Variants in MBD1 observed in about 807,000 individuals in gnomAD.
MBD1 encodes methyl-CpG-binding domain protein 1.
Under a neutral mutation model 82.6 loss-of-function variants are expected in MBD1, and 25 were observed. The ratio of observed to expected loss-of-function variants is 0.30; its 90% CI spans 0.22 to 0.42. The LOEUF (loss-of-function observed/expected upper bound fraction) is 0.42, where lower values mean the gene tolerates loss of function less well. Ranked by LOEUF, MBD1 falls within the 10% of genes least tolerant of loss-of-function variation. MBD1 has a pLI of 1.00. For missense variants in MBD1, 627 were observed against 819.6 expected, an observed-to-expected ratio of 0.76 and a Z score of 2.87; for synonymous variants, 301 against 303.7, an observed-to-expected ratio of 0.99 and a Z score of 0.09.
In MBD1 at chr18:50,275,247, T is replaced by C. The variant is rs745999556; in HGVS notation, c.793-2A>G. The C allele has an allele frequency of 1.2e-6, 2 of 1,613,832 alleles. No individual in the cohort carries two copies. The highest frequency in any genetic ancestry group is 1.7e-6 in the Non-Finnish European group (2 of 1,179,906). ...TCCCTTGCGGCGGGCATGTTTACCC[T>C]GGGAAAGATCAGAAAGGGTGGTTTC... On this transcript the variant is annotated splice_acceptor_variant, in intron 8 of 16. Transcript: ENST00000269468. LOFTEE classifies it high-confidence loss of function.
Position 50,275,655 on chromosome 18 carries a change from G to T in MBD1, c.737C>A (p.Pro246His). ...CTGGCGCCTGAGACCAGGGCGGGGAGGGCGAAGGCAGATGGGGCAATGGCC... is the reference window on the plus strand; with the variant it reads ...CTGGCGCCTGAGACCAGGGCGGGGATGGCGAAGGCAGATGGGGCAATGGCC... ...DCGHCPICLR[P>H]PRPGLRRQWK... The change falls in exon 8 of 17, where the codon CCT (proline) becomes CAT (histidine). Residue 246 changes from proline to histidine, a missense_variant. Transcript: ENST00000269468. 2 of 1,614,212 alleles carry T rather than the reference G, an allele frequency of 1.2e-6. No homozygotes were observed. Among genetic ancestry groups the T allele is most frequent in the Non-Finnish European group, 1.7e-6 (2 of 1,180,026 alleles).
At chr18:50,277,281 G>A in intron 2 of MBD1, 77 bp from the exon 3 acceptor site, 1 of 1,203,446 alleles carries the variant, frequency 8.3e-7, no homozygotes, top group Non-Finnish European at 1.2e-6. Flanking sequence ...TGACAGGGCT[G>A]GCAGGATATA....
chr18:50,281,058 T>C, intron 1 of MBD1: 1 of 1,130,136 alleles, frequency 8.8e-7, no homozygotes, highest in Non-Finnish European at 1.3e-6. Context: ...CTCAGAGTTC[T>C]GAACCCCCAT....
At chr18:50,275,769 G>A in intron 7 of MBD1, 41 bp from the exon 8 acceptor site, 2 of 1,614,148 alleles carry the variant, frequency 1.2e-6, no homozygotes, top group Non-Finnish European at 1.7e-6. Context: ...CATGAAGCAT[G>A]GGGCCAAGCC....
Position 50,274,989 on chromosome 18 carries a change from G to C in MBD1, c.966C>G (p.Asp322Glu), listed in dbSNP as rs772160400. 1.2e-5 allele frequency: 19 copies of C among 1,606,556 alleles called. No individual in the cohort carries two copies. In the East Asian group the frequency reaches 3.1e-4, roughly 27 times the overall value. Reference protein sequence around the residue: ...PPAEFIYYCVDEDELQPYTNR... With the variant: ...PPAEFIYYCVEEDELQPYTNR... ...TGGGGCCACTCACTAGCTCGTCCTCGTCTACACAGTAATAGATGAACTCGG... is the reference window on the plus strand; with the variant it reads ...TGGGGCCACTCACTAGCTCGTCCTCCTCTACACAGTAATAGATGAACTCGG... The change falls in exon 10 of 17, where the codon GAC (aspartate) becomes GAG (glutamate). Residue 322 changes from aspartate to glutamate, a missense_variant. By Grantham distance (45) the Asp-to-Glu change is conservative. Transcript: ENST00000269468.
At chr18:50,275,519 G>C in intron 8 of MBD1, 81 bp downstream of exon 8, 1 of 1,610,140 alleles carries the variant, frequency 6.2e-7, no homozygotes, top group East Asian at 2.2e-5. Flanking sequence ...ACATGAGGTA[G>C]GCAAGGCCAG....
chr18:50,279,761 C>G, intron 2 of MBD1, 122 bp downstream of exon 2: 1 of 1,317,720 alleles, frequency 7.6e-7, no homozygotes, highest in Non-Finnish European at 1.1e-6. Context: ...ATAAAATCCG[C>G]TAATAAGGAT....
At chr18:50,273,921 C>T in intron 11 of MBD1, 58 bp from the exon 12 acceptor site, 7 of 1,591,256 alleles carry the variant, frequency 4.4e-6, no homozygotes, top group Non-Finnish European at 5.1e-6. Context: ...CACATCCACC[C>T]TGCCCGGCTC....
Position 50,273,453 on chromosome 18 carries a change from G to C in MBD1, c.1465C>G (p.Leu489Val), listed in dbSNP as rs769074844. The C allele has an allele frequency of 3.7e-6, 6 of 1,614,084 alleles. No homozygotes were observed. The African/African-American group carries it at 8.0e-5, about 22-fold the overall frequency. ...TGGGGTAAGGCCACAACCCAACTCA[G>C]GCCAGAGCACTGGGCCTCCTGCGTG... ...ALLQEAQCSG[L>V]SWVVALPQVK... The change falls in exon 13 of 17, where the codon CTG becomes GTG. Residue 489 changes from leucine (L) to valine (V), a missense_variant. Leu to Val is a conservative substitution (Grantham distance 32, BLOSUM62 1). Transcript: ENST00000269468.
chr18:50,275,419 C>CGCA, intron 8 of MBD1, 174 bp from the exon 9 acceptor site: 1 of 1,604,136 alleles, frequency 6.2e-7, no homozygotes, highest in Non-Finnish European at 8.5e-7. Flanking sequence ...TCTCTGATGA[C>CGCA]GGCGACGCAG....
intron 16 of MBD1, chr18:50,270,757 G>C (rs2035172014): frequency 5.4e-6 from 1 of 184,702 alleles, no homozygotes; most frequent in Admixed American, 5.3e-5. Context: ...GCTAGAGACA[G>C]GAATGTAAGG....
At chr18:50,274,082 C>G (rs2036746962) in intron 11 of MBD1, 104 bp downstream of exon 11, 1 of 1,506,252 alleles carries the variant, frequency 6.6e-7, no homozygotes, top group Non-Finnish European at 9.2e-7. Context: ...TCAACCAAAG[C>G]TACTGCCCCA....
chr18:50,281,229 G>C (rs1319575187), intron 1 of MBD1, 134 bp downstream of exon 1: 7 of 1,534,216 alleles, frequency 4.6e-6, no homozygotes, highest in Non-Finnish European at 6.1e-6. Context: ...CTCCTCGTCA[G>C]TATTCCGACG....
intron 2 of MBD1, 69 bp from the exon 3 acceptor site, chr18:50,277,273 AC>A (rs1275273515): frequency 7.8e-7 from 1 of 1,281,586 alleles, no homozygotes; most frequent in African/African-American, 1.5e-5. Flanking sequence ...CAACCTTTTG[AC>A]AGGGCTGGCA....
chr18:50,276,766 TG>T (rs1347806462), intron 4 of MBD1, 22 bp from the exon 5 acceptor site: 1 of 1,614,122 alleles, frequency 6.2e-7, no homozygotes, highest in Non-Finnish European at 8.5e-7. Context: ...AAGGCAGGTG[TG>T]GGGCTCCAAG....
Position 50,275,919 on chromosome 18 carries a change from G to A in MBD1, c.579C>T (p.Thr193=). 3.7e-6 allele frequency: 6 copies of A among 1,614,086 alleles called. No individual in the cohort carries two copies. The highest frequency in any genetic ancestry group is 5.1e-6 in the Non-Finnish European group (6 of 1,180,024). ...CATCATGGGGCAGCTGCAGGAGGCA[G>A]GTGGAGCAGGCCCCACAGTCTTCTG... is the stretch of plus-strand genomic sequence containing the variant. ...QVTEDCGACS[T]CLLQLPHDVA... The change falls in exon 7 of 17, where the codon ACC becomes ACT. Residue 193 remains threonine, a synonymous_variant. Transcript: ENST00000269468.
chr18:50,279,048 C>T (rs1231618855), intron 2 of MBD1, among the ~76,000 whole-genome samples: 2 of 152,214 alleles, frequency 1.3e-5, no homozygotes, highest in Non-Finnish European at 2.9e-5. Context: ...CTTCGGAAGA[C>T]TCCTGATCAG....
intron 16 of MBD1, chr18:50,270,952 C>T (rs902975409): frequency 1.5e-5 from 12 of 791,072 alleles, no homozygotes; most frequent in African/African-American, 5.7e-5. Flanking sequence ...TCTCAGTTTT[C>T]CCATCCACAT....
At chr18:50,271,212 A>G in intron 16 of MBD1, 1 of 1,343,428 alleles carries the variant, frequency 7.4e-7, no homozygotes, top group Non-Finnish European at 9.6e-7. Context: ...TCTCCAACCC[A>G]GCTCCCCCAC....
Sources: allele counts gnomAD v4.1 joint callset (sites outside exome capture counted in the v4.1 genomes callset), GRCh38; gene constraint gnomAD v4.1.1; transcripts MANE v1.5; gene names NCBI Gene and HGNC (gene_info 2026-07-23, HGNC 2026-07-21).